The following CCR9 variants were observed in gnomAD, a reference collection of about 807,000 sequenced individuals.
The protein encoded by CCR9 is C-C motif chemokine receptor 9, also known as C-C chemokine receptor type 9.
In CCR9, 4 loss-of-function variants were observed where a neutral mutation model predicts 8.7. The observed-to-expected ratio is 0.46, with a 90% CI of 0.23 to 1.06. CCR9 has a LOEUF of 1.06. Among genes scored for constraint, CCR9 ranks in the 50% least tolerant of loss-of-function variants. The pLI is 0.21. For missense variants in CCR9, 394 were observed against 453.6 expected (o/e 0.87, Z 1.19); for synonymous variants, 159 against 168.8 (o/e 0.94, Z 0.45).
intron 1 of CCR9, 138 bp from the exon 2 acceptor site, chr3:45,894,768 A>G (rs773304572): frequency 4.5e-6 from 3 of 670,176 alleles, no homozygotes; most frequent in African/African-American, 1.8e-5. Flanking sequence ...AGAATACTAT[A>G]TAGACTCTAA....
chr3:45,900,738 C>A lies in CCR9; in HGVS notation c.22-72C>A. 1 of 1,505,374 alleles carries A rather than the reference C, an allele frequency of 6.6e-7. No individual in the cohort carries two copies. 93.3% of individuals were successfully genotyped at this position (1,505,374 alleles called of 1,614,324 possible). On this transcript the variant is annotated intron_variant, in intron 2 of 2. Transcript: ENST00000357632. This position sits in a 1 kb window ranked among gnomAD's most constrained non-coding sequence, Gnocchi z 4.7. ...TTGGGGTTGGAAGGGTCAAGAGGTC[C>A]ATGCCTCTGCCATCAGACAGGACCT...
intron 1 of CCR9, among the ~76,000 whole-genome samples, chr3:45,891,853 G>A (rs1230232615): frequency 6.6e-6 from 1 of 152,002 alleles, no homozygotes; most frequent in East Asian, 1.9e-4. Context: ...TTCATTTTGC[G>A]TTTTTCTGAT....
Position 45,901,947 on chromosome 3 carries a change from A to G in CCR9, c.*49A>G. 1 of 1,475,972 alleles carries G rather than the reference A, an allele frequency of 6.8e-7. No homozygotes were observed. Among genetic ancestry groups the G allele is most frequent in the Non-Finnish European group, 9.1e-7 (1 of 1,094,486 alleles). 91.4% of individuals were successfully genotyped at this position (1,475,972 alleles called of 1,614,324 possible). A position where few individuals can be genotyped will look rare whatever the true frequency, so the allele number is the denominator to read the frequency against. On this transcript the variant is annotated 3_prime_UTR_variant, in exon 3 of 3. Transcript: ENST00000357632. This position sits in a 1 kb window ranked among gnomAD's most constrained non-coding sequence, Gnocchi z 4.3. ...TTCTTTTGGAAGAAATGAGAAATAC[A>G]GAAACAGTTTCCCCACTGATGGGAC...
rs202070482 is a variant in CCR9, at chr3:45,901,572, G to A, written c.784G>A (p.Val262Ile). ...AAAAGTGACCATCACTGTCCTGACC[G>A]TCTTTGTCTTGTCTCAGTTTCCCTA... ...ALKVTITVLT[V>I]FVLSQFPYNC... Residue 262 changes from valine to isoleucine, a missense_variant, in exon 3 of 3, where the codon GTC (valine) becomes ATC (isoleucine). Transcript: ENST00000357632. The surrounding 1 kb of genome is among the most constrained non-coding windows in gnomAD (Gnocchi z 4.3). The A allele has an allele frequency of 3.2e-5, 51 of 1,614,172 alleles. No individual in the cohort carries two copies. The highest frequency in any genetic ancestry group is 3.1e-4 in the African/African-American group (23 of 75,054).
intron 1 of CCR9, among the ~76,000 whole-genome samples, chr3:45,894,448 T>C (rs577233617): frequency 6.6e-6 from 1 of 152,274 alleles, no homozygotes; most frequent in South Asian, 2.1e-4. Flanking sequence ...AAGCGACCAC[T>C]GTCCTGTTAG....
In CCR9 at chr3:45,901,513, T is replaced by C. The variant is rs1292010654; in HGVS notation, c.725T>C (p.Ile242Thr). 3 of 1,614,074 alleles carry C rather than the reference T, an allele frequency of 1.9e-6. No homozygotes were observed. Among genetic ancestry groups the C allele is most frequent in the Non-Finnish European group, 2.5e-6 (3 of 1,180,032 alleles). Reference sequence around the variant, plus strand: ...TATACCATCATCATTCACACCCTGATACAAGCCAAGAAGTCTTCCAAGCAC... The same window carrying C: ...TATACCATCATCATTCACACCCTGACACAAGCCAAGAAGTCTTCCAAGCAC... Reference protein sequence around the residue: ...CCYTIIIHTLIQAKKSSKHKA... With the variant: ...CCYTIIIHTLTQAKKSSKHKA... Residue 242 changes from isoleucine (I) to threonine (T), a missense_variant, in exon 3 of 3, where the codon ATA (isoleucine) becomes ACA (threonine). Coordinates refer to ENST00000357632, the MANE Select transcript of CCR9 (RefSeq NM_031200.3). The surrounding 1 kb of genome is among the most constrained non-coding windows in gnomAD (Gnocchi z 4.3).
At chr3:45,894,000 T>C (rs563529868) in intron 1 of CCR9, among the ~76,000 whole-genome samples, 1 of 152,128 alleles carries the variant, frequency 6.6e-6, no homozygotes, top group African/African-American at 2.4e-5. Context: ...AAAGAGGCTA[T>C]TTTTTTCGAG....
At chr3:45,897,435 C>T (rs1339481303) in intron 2 of CCR9, 3 of 702,352 alleles carry the variant, frequency 4.3e-6, no homozygotes, top group African/African-American at 3.5e-5. Flanking sequence ...TCCAGCAGGA[C>T]ACAATGTCCT....
At chr3:45,896,087 CA>C (rs1230765685) in intron 2 of CCR9, among the ~76,000 whole-genome samples, 2 of 152,144 alleles carry the variant, frequency 1.3e-5, no homozygotes, top group African/African-American at 4.8e-5. Flanking sequence ...ATATCCATAA[CA>C]ACAAAAAAGT....
chr3:45,889,953 T>G (rs1702097139), intron 1 of CCR9, among the ~76,000 whole-genome samples: 1 of 151,584 alleles, frequency 6.6e-6, no homozygotes, highest in South Asian at 2.1e-4. Context: ...TCCAAGCAGA[T>G]GCGCTGCAGA....
chr3:45,895,064 C>A, intron 2 of CCR9, 110 bp downstream of exon 2: 2 of 1,191,420 alleles, frequency 1.7e-6, no homozygotes, highest in Non-Finnish European at 2.5e-6. Flanking sequence ...TGTGGTTTCC[C>A]AGGGTAAGAT....
chr3:45,893,651 A>G (rs1446751422), intron 1 of CCR9, among the ~76,000 whole-genome samples: 1 of 152,196 alleles, frequency 6.6e-6, no homozygotes, highest in Non-Finnish European at 1.5e-5. Context: ...TCCCTATTCC[A>G]TTGGACGGAT....
At chr3:45,896,158 C>A (rs1170486563) in intron 2 of CCR9, among the ~76,000 whole-genome samples, 1 of 152,234 alleles carries the variant, frequency 6.6e-6, no homozygotes, top group East Asian at 1.9e-4. Flanking sequence ...TCTTCAGTTT[C>A]TCCTGCATTA....
chr3:45,887,592 T>A (rs1702021561), intron 1 of CCR9, among the ~76,000 whole-genome samples: 1 of 152,254 alleles, frequency 6.6e-6, no homozygotes, highest in African/African-American at 2.4e-5. Context: ...GGAAGGGCTG[T>A]GCAGCAGCCA....
intron 1 of CCR9, among the ~76,000 whole-genome samples, chr3:45,892,837 G>A (rs1346960004): frequency 6.6e-6 from 1 of 152,186 alleles, no homozygotes; most frequent in African/African-American, 2.4e-5. Context: ...AAAGCTACCA[G>A]CAGAGAGGTT....
Position 45,900,884 on chromosome 3 carries a change from C to T in CCR9, c.96C>T (p.Asn32=), listed in dbSNP as rs1278781659. The T allele has an allele frequency of 1.2e-6, 2 of 1,614,078 alleles. No homozygotes were observed. Among genetic ancestry groups the T allele is most frequent in the African/African-American group, 2.7e-5 (2 of 74,930 alleles). ...TSSMEDYVNF[N]FTDFYCEKNN... ...CCATGGAAGACTACGTTAACTTCAA[C>T]TTCACTGACTTCTACTGTGAGAAAA... Residue 32 remains asparagine (N), a synonymous_variant, in exon 3 of 3, where the codon AAC becomes AAT. Transcript: ENST00000357632. This position sits in a 1 kb window ranked among gnomAD's most constrained non-coding sequence, Gnocchi z 4.7.
intron 1 of CCR9, among the ~76,000 whole-genome samples, chr3:45,891,692 AT>A (rs1054339466): frequency 6.6e-6 from 1 of 151,696 alleles, no homozygotes; most frequent in Non-Finnish European, 1.5e-5. Flanking sequence ...CTTCACAATT[AT>A]TTTTTTTCCC....
intron 2 of CCR9, among the ~76,000 whole-genome samples, chr3:45,899,053 C>T (rs1030464151): frequency 7.2e-5 from 11 of 152,346 alleles, no homozygotes; most frequent in Admixed American, 5.2e-4. Flanking sequence ...GTAATCCCAG[C>T]TACTCAGGAG....
intron 1 of CCR9, 98 bp from the exon 2 acceptor site, chr3:45,894,800 TCAGAAGAA>T: frequency 1.3e-6 from 1 of 791,760 alleles, no homozygotes; most frequent in Admixed American, 1.9e-5. Context: ...AATATTTTTT[TCAGAAGAA>T]TAAGCAGATT....
Sources: allele counts gnomAD v4.1 joint callset (sites outside exome capture counted in the v4.1 genomes callset), GRCh38; gene constraint gnomAD v4.1.1; non-coding constraint Gnocchi (gnomAD v3.1); transcripts MANE v1.5; gene names NCBI Gene and HGNC (gene_info 2026-07-23, HGNC 2026-07-21).